The following WASHC2C variants were observed in gnomAD, a reference collection of about 807,000 sequenced individuals.
WASHC2C encodes WASH complex subunit 2C, also known as Vaccinia Penetration Factor.
A neutral mutation model predicts 142.2 loss-of-function variants in WASHC2C; 73 were observed. That is an observed-to-expected ratio of 0.51 (90% CI 0.43 to 0.62). The LOEUF is 0.62. Among genes scored for constraint, WASHC2C ranks in the 20% least tolerant of loss-of-function variants. The pLI is 0.00. For synonymous variants in WASHC2C, 337 were observed against 565.5 expected, an observed-to-expected ratio of 0.60 and a Z score of 5.73; for missense variants, 969 against 1,531.7, an observed-to-expected ratio of 0.63 and a Z score of 6.13.
At chr10:45,773,667 A>C (rs2056812092) in intron 21 of WASHC2C, among the ~76,000 whole-genome samples, 1 of 152,240 alleles carries the variant, frequency 6.6e-6, no homozygotes, top group South Asian at 2.1e-4. Context: ...TCCTTTTATG[A>C]GTGTGTGTCG....
upstream of WASHC2C, chr10:45,727,224 G>T (rs901920677): frequency 2.0e-6 from 3 of 1,511,954 alleles, no homozygotes; most frequent in Non-Finnish European, 2.6e-6. Flanking sequence ...GGCCGGTCAC[G>T]CCCCGGGCAG....
At chr10:45,733,525 A>C (rs535218745) in intron 3 of WASHC2C, among the ~76,000 whole-genome samples, 24 of 152,284 alleles carry the variant, frequency 1.6e-4, no homozygotes, top group African/African-American at 5.8e-4. Context: ...CACAAAACAC[A>C]TGAAGCTGTG....
In WASHC2C at chr10:45,784,258, A is replaced by G. The variant is rs1436476415; in HGVS notation, c.2479-307A>G. On this transcript the variant is annotated intron_variant, in intron 23 of 30. Transcript: ENST00000623400. ...TATATATATGTGTGTGTGTGTATAT[A>G]TATATATATATATATATATATATAT... is the stretch of plus-strand genomic sequence containing the variant. 4.1e-3 allele frequency among the ~76,000 whole-genome samples: 19 copies of G among 4,658 alleles called. 1 individual carries two copies. The highest frequency in any genetic ancestry group is 8.6e-3 in the African/African-American group (17 of 1,978). The allele number at this position is 4,658 out of a possible 152,430, so 3.1% of individuals were successfully genotyped here. A position where few individuals can be genotyped will look rare whatever the true frequency, so the allele number is the denominator to read the frequency against.
intron 11 of WASHC2C, among the ~76,000 whole-genome samples, chr10:45,752,126 G>A (rs1397984936): frequency 6.6e-6 from 1 of 152,156 alleles, no homozygotes; most frequent in Non-Finnish European, 1.5e-5. Flanking sequence ...TAGAAACTTA[G>A]GAATCTCAAG....
chr10:45,784,293 C>CACACACATATATAT (rs1305333868), intron 23 of WASHC2C, among the ~76,000 whole-genome samples: 4 of 63,646 alleles, frequency 6.3e-5, no homozygotes, highest in East Asian at 5.9e-4. Context: ...TATATATACA[C>CACACACATATATAT]ATATATATAT....
At chr10:45,738,115 G>A (rs2051503568) in intron 4 of WASHC2C, 70 bp downstream of exon 4, 1 of 1,611,718 alleles carries the variant, frequency 6.2e-7, no homozygotes, top group Admixed American at 1.7e-5. Flanking sequence ...GATGTGTTAT[G>A]TGGGAACTGG....
chr10:45,753,367 G>C lies in WASHC2C; in HGVS notation c.1180+130G>C. On this transcript the variant is annotated intron_variant, in intron 13 of 30. Coordinates refer to ENST00000623400, the MANE Select transcript of WASHC2C (RefSeq NM_001330074.2). Reference sequence around the variant, plus strand: ...AGCAAGAAGCTGTTGTTTTTACTGCGGTCCAGTTGAAAGTAATTCATCTTC... The same window carrying C: ...AGCAAGAAGCTGTTGTTTTTACTGCCGTCCAGTTGAAAGTAATTCATCTTC... The C allele has an allele frequency of 3.0e-6, 3 of 992,670 alleles. No homozygotes were observed. In the South Asian group the frequency reaches 5.0e-5, roughly 16 times the overall value. 61.5% of individuals were successfully genotyped at this position (992,670 alleles called of 1,614,324 possible). A position where few individuals can be genotyped will look rare whatever the true frequency, so the allele number is the denominator to read the frequency against.
In WASHC2C at chr10:45,792,241, T is replaced by C. The variant is rs1233854128; in HGVS notation, c.3887-20T>C. 7 of 1,563,082 alleles carry C rather than the reference T, an allele frequency of 4.5e-6. No homozygotes were observed. In the African/African-American group the frequency reaches 8.3e-5, roughly 18 times the overall value. On this transcript the variant is annotated intron_variant, in intron 30 of 30. Coordinates refer to ENST00000623400, the MANE Select transcript of WASHC2C (RefSeq NM_001330074.2). ...TCTCCACCCCTCTTCAGCAACTGTTTTTCTTTTTTCTTTCTAAAGATGACA... is the reference window on the plus strand; with the variant it reads ...TCTCCACCCCTCTTCAGCAACTGTTCTTCTTTTTTCTTTCTAAAGATGACA...
intron 13 of WASHC2C, among the ~76,000 whole-genome samples, chr10:45,753,734 C>T (rs1395188123): frequency 6.9e-6 from 1 of 144,640 alleles, no homozygotes; most frequent in African/African-American, 2.6e-5. Context: ...AGTGATCACC[C>T]GCCTAGACCT....
At chr10:45,752,978 G>A (rs1430468833) in intron 12 of WASHC2C, among the ~76,000 whole-genome samples, 4 of 105,450 alleles carry the variant, frequency 3.8e-5, no homozygotes, top group African/African-American at 1.3e-4. Flanking sequence ...TGTCTTCCAC[G>A]TTTGTTTTTA....
chr10:45,732,544 T>C (rs1207735125), intron 3 of WASHC2C, among the ~76,000 whole-genome samples: 1 of 152,064 alleles, frequency 6.6e-6, no homozygotes, highest in Non-Finnish European at 1.5e-5. Context: ...TGAGGGAGGA[T>C]TTTTTCTTTT....
At chr10:45,733,489 G>A (rs1203514307) in intron 3 of WASHC2C, among the ~76,000 whole-genome samples, 12 of 152,070 alleles carry the variant, frequency 7.9e-5, no homozygotes, top group Non-Finnish European at 1.6e-4. Flanking sequence ...ACAGTCCTGG[G>A]TATAGCTATC....
chr10:45,764,007 A>G (rs2055470160), intron 18 of WASHC2C, among the ~76,000 whole-genome samples: 1 of 152,070 alleles, frequency 6.6e-6, no homozygotes, highest in Non-Finnish European at 1.5e-5. Flanking sequence ...TGGCTTCTTG[A>G]CACAGTTCTT....
At chr10:45,742,834 A>C (rs1225830348) in intron 5 of WASHC2C, among the ~76,000 whole-genome samples, 2 of 149,692 alleles carry the variant, frequency 1.3e-5, no homozygotes, top group South Asian at 4.2e-4. Context: ...GCCCTTGGGG[A>C]GGGAGATTCT....
intron 19 of WASHC2C, 120 bp downstream of exon 19, chr10:45,765,930 G>A: frequency 1.4e-6 from 2 of 1,426,040 alleles, no homozygotes. Flanking sequence ...CAAAGGCGAT[G>A]TTCACAAGAT....
intron 3 of WASHC2C, among the ~76,000 whole-genome samples, chr10:45,735,207 G>A (rs1476922775): frequency 2.0e-5 from 3 of 151,568 alleles, no homozygotes; most frequent in African/African-American, 7.3e-5. Flanking sequence ...TTTTCTGTGT[G>A]AATTTGAGGA....
chr10:45,792,146 T>C lies in WASHC2C; in HGVS notation c.3887-115T>C, dbSNP rs1460915026. The C allele has an allele frequency of 1.0e-5, 12 of 1,174,750 alleles. 1 individual carries two copies. The highest frequency in any genetic ancestry group is 6.2e-5 in the African/African-American group (4 of 64,198). 72.8% of individuals were successfully genotyped at this position (1,174,750 alleles called of 1,614,324 possible). A position where few individuals can be genotyped will look rare whatever the true frequency, so the allele number is the denominator to read the frequency against. On this transcript the variant is annotated intron_variant, in intron 30 of 30. Transcript: ENST00000623400. ...AGGCTTGAGTTCTAGGTTAGTGTTT[T>C]AGGGTACTCCATGCTGTTACGAGAG...
chr10:45,751,836 G>C (rs1319150557), intron 11 of WASHC2C, among the ~76,000 whole-genome samples: 1 of 152,010 alleles, frequency 6.6e-6, no homozygotes, highest in Non-Finnish European at 1.5e-5. Context: ...AATTAGCTTG[G>C]CATGGTGGTG....
intron 23 of WASHC2C, among the ~76,000 whole-genome samples, chr10:45,779,343 C>T (rs2057321272): frequency 6.9e-6 from 1 of 144,404 alleles, no homozygotes; most frequent in South Asian, 2.1e-4. Flanking sequence ...ATTAGAATTT[C>T]ACCCCCCTCT....
Sources: allele counts gnomAD v4.1 joint callset (sites outside exome capture counted in the v4.1 genomes callset), GRCh38; gene constraint gnomAD v4.1.1; transcripts MANE v1.5; gene names NCBI Gene and HGNC (gene_info 2026-07-23, HGNC 2026-07-21).